Variants in PCDHA1 observed in about 807,000 individuals in gnomAD.
PCDHA1 encodes the protein protocadherin alpha 1.
PCDHA1 carries 42 observed loss-of-function variants against 61.3 expected under a neutral mutation model. That is an observed-to-expected ratio of 0.69 (90% CI 0.54 to 0.89). PCDHA1 has a LOEUF of 0.89. Among genes scored for constraint, PCDHA1 ranks in the 40% least tolerant of loss-of-function variants. The probability of loss-of-function intolerance (pLI) is 0.00; values close to 1 mark genes in which losing one functional copy is unlikely to be tolerated. For missense variants in PCDHA1, 1,256 were observed against 1,235.3 expected (o/e 1.02, Z -0.25); for synonymous variants, 610 against 553.8 (o/e 1.10, Z -1.43).
At chr5:140,941,167 A>G (rs1352007891) in intron 1 of PCDHA1, among the ~76,000 whole-genome samples, 2 of 144,982 alleles carry the variant, frequency 1.4e-5, no homozygotes, top group Non-Finnish European at 3.1e-5. Flanking sequence ...AAGACTCCCC[A>G]TCTTGAACAT....
chr5:140,995,529 C>G (rs1191657600), intron 3 of PCDHA1, among the ~76,000 whole-genome samples: 1 of 152,078 alleles, frequency 6.6e-6, no homozygotes, highest in East Asian at 1.9e-4. Flanking sequence ...GAAATCAAAC[C>G]TCAAATAAGG....
At chr5:140,940,497 C>T (rs1314378548) in intron 1 of PCDHA1, among the ~76,000 whole-genome samples, 1 of 151,818 alleles carries the variant, frequency 6.6e-6, no homozygotes, top group Non-Finnish European at 1.5e-5. Context: ...AAGTCTTGCT[C>T]CGTCGCTCAG....
intron 1 of PCDHA1, among the ~76,000 whole-genome samples, chr5:140,881,170 T>C (rs1442098863): frequency 1.3e-5 from 2 of 152,246 alleles, no homozygotes; most frequent in Non-Finnish European, 1.5e-5. Flanking sequence ...CCTCTTCCTC[T>C]TTTCCTTGCT....
At chr5:141,009,179 G>C (rs1343163889) in intron 3 of PCDHA1, among the ~76,000 whole-genome samples, 2 of 152,212 alleles carry the variant, frequency 1.3e-5, no homozygotes, top group Non-Finnish European at 2.9e-5. Flanking sequence ...CCTTGGCTGG[G>C]TGTGGTAGCT....
chr5:140,936,798 T>C (rs2091152803), intron 1 of PCDHA1, among the ~76,000 whole-genome samples: 1 of 152,240 alleles, frequency 6.6e-6, no homozygotes, highest in Admixed American at 6.5e-5. Context: ...TGCTTCAAGA[T>C]TAACTTAGCT....
At chr5:140,876,724 G>C (rs140611870) in intron 1 of PCDHA1, 4 of 1,614,128 alleles carry the variant, frequency 2.5e-6, no homozygotes, top group Non-Finnish European at 2.5e-6. Context: ...CCGCGAGAGC[G>C]TGTCGGCCTA....
At chr5:140,833,750 A>AC (rs1554133942) in intron 1 of PCDHA1, among the ~76,000 whole-genome samples, 2 of 108,038 alleles carry the variant, frequency 1.9e-5, no homozygotes, top group African/African-American at 3.5e-5. Flanking sequence ...CCTAAAAAGA[A>AC]AACACACACA....
At chr5:140,848,605 A>G in intron 1 of PCDHA1, 4 of 1,593,610 alleles carry the variant, frequency 2.5e-6, no homozygotes, top group African/African-American at 2.7e-5. Flanking sequence ...TCCGTCCCGG[A>G]GGAAGCCGAA....
At chr5:140,927,489 C>T (rs147183638) in intron 1 of PCDHA1, 63 of 1,614,126 alleles carry the variant, frequency 3.9e-5, no homozygotes, top group Non-Finnish European at 4.8e-5. Flanking sequence ...GCGCCACCCA[C>T]CTGCTGGTGC....
chr5:140,861,028 C>G (rs954598633), intron 1 of PCDHA1: 1 of 152,238 alleles, frequency 6.6e-6, no homozygotes, highest in African/African-American at 2.4e-5. Context: ...CGCACCCGGC[C>G]GAAAGGTATT....
chr5:140,923,139 A>G (rs1213586565), intron 1 of PCDHA1, among the ~76,000 whole-genome samples: 3 of 152,188 alleles, frequency 2.0e-5, no homozygotes, highest in Non-Finnish European at 2.9e-5. Context: ...TGAAGGTGGA[A>G]TATAAAAAAA....
At position 140,795,575 on chromosome 5, in the gene PCDHA1, A is replaced by T. The variant is rs1338741055; in HGVS notation, c.2394+6891A>T. Reference sequence around the variant, plus strand: ...CTGGGGAAATCGCTGGACAGAGAGGAAACTGCTGAGGTTAATTTGTTACTG... The same window carrying T: ...CTGGGGAAATCGCTGGACAGAGAGGTAACTGCTGAGGTTAATTTGTTACTG... On this transcript the variant is annotated intron_variant, in intron 1 of 3. Coordinates refer to ENST00000504120, the MANE Select transcript of PCDHA1 (RefSeq NM_018900.4). 3 of 1,614,162 alleles carry T rather than the reference A, an allele frequency of 1.9e-6. No individual in the cohort carries two copies. In the African/African-American group the frequency reaches 4.0e-5, roughly 22 times the overall value.
intron 3 of PCDHA1, among the ~76,000 whole-genome samples, chr5:141,004,888 G>C (rs555046086): frequency 2.0e-5 from 3 of 152,132 alleles, no homozygotes; most frequent in Admixed American, 6.5e-5. Flanking sequence ...GTGCTATTGT[G>C]TCAGCTCTGC....
At chr5:140,848,315 C>A (rs1347571265) in intron 1 of PCDHA1, 1 of 741,172 alleles carries the variant, frequency 1.3e-6, no homozygotes. Flanking sequence ...CTCTTTGCCG[C>A]GATGTTCTCT....
intron 1 of PCDHA1, chr5:140,884,166 C>T: frequency 1.2e-6 from 2 of 1,613,430 alleles, no homozygotes; most frequent in Non-Finnish European, 1.7e-6. Context: ...GAGATCAGCA[C>T]GACGCGCCCT....
At chr5:140,919,222 C>G (rs1367427149) in intron 1 of PCDHA1, among the ~76,000 whole-genome samples, 3 of 152,144 alleles carry the variant, frequency 2.0e-5, no homozygotes, top group African/African-American at 7.2e-5. Flanking sequence ...TTCTTGATTT[C>G]TAGTAACACT....
chr5:141,003,574 A>G (rs559561339), intron 3 of PCDHA1, among the ~76,000 whole-genome samples: 22 of 151,680 alleles, frequency 1.5e-4, no homozygotes, highest in Admixed American at 3.9e-4. Context: ...CAGACTCCCA[A>G]AGTGCTGGGA....
chr5:140,958,419 A>C (rs1275772647), intron 1 of PCDHA1, among the ~76,000 whole-genome samples: 1 of 152,196 alleles, frequency 6.6e-6, no homozygotes, highest in Non-Finnish European at 1.5e-5. Flanking sequence ...GCTTGGAAAG[A>C]AGCACTTTTT....
At chr5:140,809,042 C>T (rs782283778) in intron 1 of PCDHA1, 2 of 1,613,852 alleles carry the variant, frequency 1.2e-6, no homozygotes, top group Non-Finnish European at 1.7e-6. Flanking sequence ...TGGTGGCGCG[C>T]GCATCCCGTT....
Sources: allele counts gnomAD v4.1 joint callset (sites outside exome capture counted in the v4.1 genomes callset), GRCh38; gene constraint gnomAD v4.1.1; transcripts MANE v1.5; gene names NCBI Gene and HGNC (gene_info 2026-07-23, HGNC 2026-07-21).